ATXN10: variants seen among roughly 807,000 people sequenced by gnomAD.
ATXN10 encodes ataxin-10.
Under a neutral mutation model 52.9 loss-of-function variants are expected in ATXN10, and 28 were observed. The observed-to-expected ratio is 0.53, with a 90% CI of 0.39 to 0.73. The LOEUF (loss-of-function observed/expected upper bound fraction) is 0.73. ATXN10 is among the 30% of genes least tolerant of loss of function. The pLI is 0.00. For missense variants in ATXN10, 565 were observed against 577.0 expected (o/e 0.98, Z 0.21); for synonymous variants, 226 against 221.5 (o/e 1.02, Z -0.18).
rs1461991753 is a variant in ATXN10, at chr22:45,772,024, C to A, written c.1173+31486C>A. ...CCACAGTATTTTCTTTAGTCAGTAG[C>A]CCACATTTTCATTCTCTTAGCAGTG... On this transcript the variant is annotated intron_variant, in intron 9 of 11. Transcript: ENST00000252934. The surrounding 1 kb of genome is among the most constrained non-coding windows in gnomAD (Gnocchi z 4.1). 6.6e-6 allele frequency among the ~76,000 whole-genome samples: 1 copy of A among 152,150 alleles called. No individual in the cohort carries two copies.
chr22:45,801,350 C>G (rs542503430), intron 9 of ATXN10, among the ~76,000 whole-genome samples: 2 of 152,346 alleles, frequency 1.3e-5, no homozygotes, highest in African/African-American at 4.8e-5. Context: ...TGAGTTTTCT[C>G]TCTAGAGAGT....
At chr22:45,692,370 T>G (rs1923419286) in intron 2 of ATXN10, among the ~76,000 whole-genome samples, 2 of 152,198 alleles carry the variant, frequency 1.3e-5, no homozygotes, top group Non-Finnish European at 2.9e-5. Context: ...GAAATGAAAA[T>G]GAACATTTAA....
intron 7 of ATXN10, among the ~76,000 whole-genome samples, chr22:45,731,529 T>C (rs1351632772): frequency 1.3e-5 from 2 of 152,188 alleles, no homozygotes; most frequent in Admixed American, 6.5e-5. Flanking sequence ...TATGCTGATA[T>C]GAATGGTCAG....
At position 45,816,038 on chromosome 22, in the gene ATXN10, T is replaced by C. The variant is rs1413250883; in HGVS notation, c.1237+9016T>C. On this transcript the variant is annotated intron_variant, in intron 10 of 11. Coordinates refer to ENST00000252934, the MANE Select transcript of ATXN10 (RefSeq NM_013236.4). The surrounding 1 kb of genome is among the most constrained non-coding windows in gnomAD (Gnocchi z 5.8). ...GCTGAGGTGTGTGCATCACTTGAGG[T>C]CAGGAGTTTGAGACCAGCCTAGTCA... is the stretch of plus-strand genomic sequence containing the variant. 6.6e-6 allele frequency among the ~76,000 whole-genome samples: 1 copy of C among 152,016 alleles called. No homozygotes were observed. Among genetic ancestry groups the C allele is most frequent in the Non-Finnish European group, 1.5e-5 (1 of 68,006 alleles).
rs1427654307 is a variant in ATXN10, at chr22:45,775,872, A to T, written c.1174-31087A>T. On this transcript the variant is annotated intron_variant, in intron 9 of 11. Coordinates refer to ENST00000252934, the MANE Select transcript of ATXN10 (RefSeq NM_013236.4). The surrounding 1 kb of genome is among the most constrained non-coding windows in gnomAD (Gnocchi z 4.7). ...CCCTCACAGCCAGCCGGGAGGTAAC[A>T]TTAACATCCGTTTGCTGGTGTTTGA... Among the ~76,000 whole-genome samples the T allele has an allele frequency of 6.6e-6, 1 of 152,120 alleles. No individual in the cohort carries two copies. Among genetic ancestry groups the T allele is most frequent in the East Asian group, 1.9e-4 (1 of 5,196 alleles).
At chr22:45,807,425 T>C (rs1228452830) in intron 10 of ATXN10, among the ~76,000 whole-genome samples, 5 of 152,216 alleles carry the variant, frequency 3.3e-5, no homozygotes. Flanking sequence ...TTGGAAGTAC[T>C]GTTTTAACAA....
In ATXN10 at chr22:45,744,523, T is replaced by G. The variant is rs1480277973; in HGVS notation, c.1173+3985T>G. Reference sequence around the variant, plus strand: ...AAGAAACCAAGGCCCCGAGACCAAGTGTGATTTAACTCAGCTAGCACTTGC... The same window carrying G: ...AAGAAACCAAGGCCCCGAGACCAAGGGTGATTTAACTCAGCTAGCACTTGC... On this transcript the variant is annotated intron_variant, in intron 9 of 11. Transcript: ENST00000252934. The surrounding 1 kb of genome is among the most constrained non-coding windows in gnomAD (Gnocchi z 4.9). 6.6e-6 allele frequency: 1 copy of G among 151,994 alleles called. No homozygotes were observed. The highest frequency in any genetic ancestry group is 2.4e-5 in the African/African-American group (1 of 41,374). The allele number at this position is 151,994 out of a possible 1,614,324, so 9.4% of individuals were successfully genotyped here. A position where few individuals can be genotyped will look rare whatever the true frequency, so the allele number is the denominator to read the frequency against.
Position 45,823,690 on chromosome 22 carries a change from G to A in ATXN10, c.1237+16668G>A, listed in dbSNP as rs187860717. Reference sequence around the variant, plus strand: ...TATATTATCCTTCTTATATGTTGCTGGATTCAGTCAGTTGCTGTATCATTA... The same window carrying A: ...TATATTATCCTTCTTATATGTTGCTAGATTCAGTCAGTTGCTGTATCATTA... On this transcript the variant is annotated intron_variant, in intron 10 of 11. Coordinates refer to ENST00000252934, the MANE Select transcript of ATXN10 (RefSeq NM_013236.4). This position sits in a 1 kb window ranked among gnomAD's most constrained non-coding sequence, Gnocchi z 4.9. Among the ~76,000 whole-genome samples, 13 of 152,224 alleles carry A rather than the reference G, an allele frequency of 8.5e-5. No homozygotes were observed. In the East Asian group the frequency reaches 2.1e-3, roughly 25 times the overall value.
Position 45,790,781 on chromosome 22 carries a change from G to T in ATXN10, c.1174-16178G>T, listed in dbSNP as rs189161961. Among the ~76,000 whole-genome samples the T allele has an allele frequency of 6.6e-6, 1 of 152,132 alleles. No homozygotes were observed. Among genetic ancestry groups the T allele is most frequent in the African/African-American group, 2.4e-5 (1 of 41,418 alleles). ...CTGTAAGTGTGTTAGAACACAGTGCGTTTTCATTCCTCTTTATATCTTTTT... is the reference window on the plus strand; with the variant it reads ...CTGTAAGTGTGTTAGAACACAGTGCTTTTTCATTCCTCTTTATATCTTTTT... On this transcript the variant is annotated intron_variant, in intron 9 of 11. Coordinates refer to ENST00000252934, the MANE Select transcript of ATXN10 (RefSeq NM_013236.4). The surrounding 1 kb of genome is among the most constrained non-coding windows in gnomAD (Gnocchi z 4.7).
chr22:45,803,493 G>C (rs948893138), intron 9 of ATXN10, among the ~76,000 whole-genome samples: 1 of 152,134 alleles, frequency 6.6e-6, no homozygotes, highest in African/African-American at 2.4e-5. Context: ...AACTATGAGC[G>C]TGAAAACCAA....
intron 6 of ATXN10, among the ~76,000 whole-genome samples, chr22:45,725,590 T>C (rs1051970999): frequency 1.3e-5 from 2 of 152,184 alleles, no homozygotes; most frequent in Non-Finnish European, 2.9e-5. Context: ...TTTCTAGGTA[T>C]ATGATCGTAT....
chr22:45,813,452 TTTC>T (rs1928354989), intron 10 of ATXN10, among the ~76,000 whole-genome samples: 1 of 46,244 alleles, frequency 2.2e-5, no homozygotes, highest in Non-Finnish European at 3.9e-5. Flanking sequence ...CCTTTCTTCA[TTTC>T]TTTTTTTTTT....
intron 9 of ATXN10, among the ~76,000 whole-genome samples, chr22:45,758,893 C>T (rs1390116646): frequency 6.6e-6 from 1 of 152,062 alleles, no homozygotes; most frequent in Non-Finnish European, 1.5e-5. Context: ...TTATTCTGCC[C>T]AGTAAATACA....
At position 45,735,560 on chromosome 22, in the gene ATXN10, AAC is replaced by A. The variant is rs1176185226; in HGVS notation, c.895-3165_895-3164del. Among the ~76,000 whole-genome samples the A allele has an allele frequency of 1.4e-4, 21 of 152,310 alleles. No homozygotes were observed. The East Asian group carries it at 3.9e-3, about 28-fold the overall frequency. ...TATGCCATAAAGGAACACTGAAATGAACACACAAAAAAATGCAGAAACTGATC... is the reference window on the plus strand; with the variant it reads ...TATGCCATAAAGGAACACTGAAATGAACACAAAAAAATGCAGAAACTGATC... On this transcript the variant is annotated intron_variant, in intron 7 of 11. Coordinates refer to ENST00000252934, the MANE Select transcript of ATXN10 (RefSeq NM_013236.4).
rs1191892072 is a variant in ATXN10 at position 45,783,327 on chromosome 22, G to A, written c.1174-23632G>A. On this transcript the variant is annotated intron_variant, in intron 9 of 11. Transcript: ENST00000252934. The surrounding 1 kb of genome is among the most constrained non-coding windows in gnomAD (Gnocchi z 5.0). ...GCATGGTGCACAACTTAAAAAACAGGAATTGTTTATTTTAGGAATTTTCCA... is the reference window on the plus strand; with the variant it reads ...GCATGGTGCACAACTTAAAAAACAGAAATTGTTTATTTTAGGAATTTTCCA... Among the ~76,000 whole-genome samples, 2 of 152,164 alleles carry A rather than the reference G, an allele frequency of 1.3e-5. No homozygotes were observed. Among genetic ancestry groups the A allele is most frequent in the East Asian group, 3.8e-4 (2 of 5,200 alleles).
rs1217839848 is a variant in ATXN10 at position 45,819,534 on chromosome 22, A to G, written c.1237+12512A>G. Among the ~76,000 whole-genome samples, 1 of 152,156 alleles carries G rather than the reference A, an allele frequency of 6.6e-6. No homozygotes were observed. Among genetic ancestry groups the G allele is most frequent in the Non-Finnish European group, 1.5e-5 (1 of 68,036 alleles). ...CTTTACCAAGCCACATCACTGACGT[A>G]TTCATTGTAGTTGACTCAGAACCAC... On this transcript the variant is annotated intron_variant, in intron 10 of 11. Coordinates refer to ENST00000252934, the MANE Select transcript of ATXN10 (RefSeq NM_013236.4). The surrounding 1 kb of genome is among the most constrained non-coding windows in gnomAD (Gnocchi z 4.5).
rs960248042 is a variant in ATXN10 at position 45,733,931 on chromosome 22, C to T, written c.894+4341C>T. 3.3e-5 allele frequency among the ~76,000 whole-genome samples: 5 copies of T among 151,336 alleles called. No homozygotes were observed. The East Asian group carries it at 9.7e-4, about 29-fold the overall frequency. On this transcript the variant is annotated intron_variant, in intron 7 of 11. Coordinates refer to ENST00000252934, the MANE Select transcript of ATXN10 (RefSeq NM_013236.4). The surrounding 1 kb of genome is among the most constrained non-coding windows in gnomAD (Gnocchi z 4.4). ...ACTATTCTTCAACTTGCTGTTTTTA[C>T]TTATGATGTAACTTGTACATCTTTG...
intron 3 of ATXN10, among the ~76,000 whole-genome samples, chr22:45,699,742 C>T (rs868704818): frequency 6.6e-6 from 1 of 151,602 alleles, no homozygotes. Flanking sequence ...TCCGCACCCC[C>T]CTCGTCTTCC....
At chr22:45,813,867 G>C (rs1928369652) in intron 10 of ATXN10, among the ~76,000 whole-genome samples, 1 of 152,222 alleles carries the variant, frequency 6.6e-6, no homozygotes, top group African/African-American at 2.4e-5. Flanking sequence ...CTGTGGGTCA[G>C]TGGTGAAACT....
Sources: allele counts gnomAD v4.1 joint callset (sites outside exome capture counted in the v4.1 genomes callset), GRCh38; gene constraint gnomAD v4.1.1; non-coding constraint Gnocchi (gnomAD v3.1); transcripts MANE v1.5; gene names NCBI Gene and HGNC (gene_info 2026-07-23, HGNC 2026-07-21).